Variants in TTC34 observed in about 807,000 individuals in gnomAD.
TTC34 encodes the protein tetratricopeptide repeat protein 34.
A neutral mutation model predicts 40.7 loss-of-function variants in TTC34; 44 were observed. The observed-to-expected ratio is 1.08, with a 90% CI of 0.85 to 1.39. The LOEUF is 1.39. Among genes scored for constraint, TTC34 ranks in the 40% most tolerant of loss-of-function variants. The pLI is 0.00. For synonymous variants in TTC34, 422 were observed against 398.6 expected (o/e 1.06, Z -0.70); for missense variants, 884 against 838.0 (o/e 1.05, Z -0.68).
intron 6 of TTC34, among the ~76,000 whole-genome samples, chr1:2,768,262 C>G (rs988476658): frequency 6.6e-5 from 10 of 152,014 alleles, no homozygotes; most frequent in Non-Finnish European, 1.2e-4. Context: ...CTGCCAGATC[C>G]TCACCTGGGG....
At chr1:2,688,106 C>T (rs569941609) in intron 6 of TTC34, among the ~76,000 whole-genome samples, 4 of 151,926 alleles carry the variant, frequency 2.6e-5, no homozygotes, top group African/African-American at 9.7e-5. Context: ...GCGCACGTGA[C>T]AGCCTGGAAC....
At chr1:2,787,828 G>A (rs1454622691) in intron 3 of TTC34, 122 bp from the exon 4 acceptor site, 3 of 783,450 alleles carry the variant, frequency 3.8e-6, no homozygotes, top group Middle Eastern at 7.6e-4. Context: ...CCTCCGGAGG[G>A]ACCCTCACGC....
chr1:2,769,613 C>T (rs1287360581), intron 6 of TTC34, among the ~76,000 whole-genome samples: 1 of 133,892 alleles, frequency 7.5e-6, no homozygotes, highest in Admixed American at 7.7e-5. Flanking sequence ...ATCTGACAGC[C>T]TGGAACAGCA....
At chr1:2,684,679 C>CTG (rs1640239388) in intron 6 of TTC34, among the ~76,000 whole-genome samples, 2 of 121,302 alleles carry the variant, frequency 1.6e-5, no homozygotes, top group Non-Finnish European at 3.3e-5. Flanking sequence ...ACCCACACGC[C>CTG]CAGGTGAGCA....
chr1:2,789,992 C>A, exon 3 of TTC34: 1 of 393,260 alleles, frequency 2.5e-6, no homozygotes, highest in Non-Finnish European at 4.5e-6. Context: ...CAGCAGCAGG[C>A]ACTCGGCGAG....
rs1470680817 is a variant in TTC34 at position 2,645,697 on chromosome 1, C to G, written c.2227-134G>C. On this transcript the variant is annotated intron_variant, in intron 6 of 8. Coordinates refer to ENST00000401095, the Ensembl canonical transcript of TTC34. The surrounding 1 kb of genome is among the most constrained non-coding windows in gnomAD (Gnocchi z 4.7). ...CCTGGGGTCCTAGAGGGTCTGAACA[C>G]CCAGCTTCCTGCCCCTTCCTGCTTC... The G allele has an allele frequency of 2.3e-6, 2 of 877,616 alleles. No homozygotes were observed. The highest frequency in any genetic ancestry group is 1.7e-5 in the African/African-American group (1 of 57,390). 54.4% of individuals were successfully genotyped at this position (877,616 alleles called of 1,614,324 possible). A position where few individuals can be genotyped will look rare whatever the true frequency, so the allele number is the denominator to read the frequency against.
exon 3 of TTC34, chr1:2,790,247 C>A (rs961939269): frequency 1.3e-5 from 5 of 398,318 alleles, no homozygotes; most frequent in East Asian, 7.1e-5. Context: ...GGGGCTCTCG[C>A]GGAAGGCCTC....
chr1:2,748,411 C>A (rs1569682898), intron 6 of TTC34, among the ~76,000 whole-genome samples: 1 of 139,326 alleles, frequency 7.2e-6, no homozygotes, highest in Non-Finnish European at 1.5e-5. Flanking sequence ...CCCAGGTGAG[C>A]ATCTGAGAGG....
At chr1:2,800,473 C>T (rs747450049) in exon 2 of TTC34, 16 of 398,424 alleles carry the variant, frequency 4.0e-5, no homozygotes, top group Non-Finnish European at 7.1e-5. Flanking sequence ...ACCACTTCTT[C>T]GTGACGCCCG....
chr1:2,691,800 G>C (rs1422481774), intron 6 of TTC34, among the ~76,000 whole-genome samples: 1 of 91,104 alleles, frequency 1.1e-5, no homozygotes, highest in Non-Finnish European at 2.5e-5. Flanking sequence ...GCGAGCATCC[G>C]ACAGCCTGGA....
Position 2,787,550 on chromosome 1 carries a change from C to T in TTC34, c.1785G>A (p.Gln595=), listed in dbSNP as rs532924296. Residue 595 remains glutamine (Q), a synonymous_variant, in exon 4 of 9, where the codon CAG becomes CAA. Coordinates refer to ENST00000401095, the Ensembl canonical transcript of TTC34. The stretch of plus-strand genomic sequence containing the variant: ...CCAGTCGTGCCAGCACAGGGGCTGC[C>T]TGGGGCCTCCGGGATAGGGCCACCA... 33 of 1,542,058 alleles carry T rather than the reference C, an allele frequency of 2.1e-5. No individual in the cohort carries two copies. The South Asian group carries it at 3.6e-4, about 17-fold the overall frequency.
chr1:2,793,346 T>C (rs1226415472), intron 2 of TTC34, among the ~76,000 whole-genome samples: 2 of 152,248 alleles, frequency 1.3e-5, no homozygotes. Flanking sequence ...ATTTTTTTTC[T>C]TATTGATATG....
At chr1:2,787,399 G>T in intron 4 of TTC34, 82 bp downstream of exon 4, 2 of 1,307,264 alleles carry the variant, frequency 1.5e-6, no homozygotes, top group East Asian at 2.6e-5. Flanking sequence ...GGGGTCCAGC[G>T]CCAGGGCCAC....
chr1:2,768,187 C>A (rs1470880942), intron 6 of TTC34, among the ~76,000 whole-genome samples: 1 of 151,868 alleles, frequency 6.6e-6, no homozygotes, highest in Non-Finnish European at 1.5e-5. Flanking sequence ...CATCTGACAG[C>A]CTGGAGCAGC....
At chr1:2,760,400 C>A (rs1315059413) in intron 6 of TTC34, among the ~76,000 whole-genome samples, 2 of 48,610 alleles carry the variant, frequency 4.1e-5, no homozygotes, top group Non-Finnish European at 6.4e-5. Flanking sequence ...AACATCACCC[C>A]GCACCCACAG....
chr1:2,786,481 C>A (rs1643590875), intron 4 of TTC34, among the ~76,000 whole-genome samples: 1 of 152,176 alleles, frequency 6.6e-6, no homozygotes, highest in Non-Finnish European at 1.5e-5. Flanking sequence ...AGTCGTGAGC[C>A]CGCTCTGGGC....
chr1:2,657,349 G>C (rs1445404867), intron 6 of TTC34, among the ~76,000 whole-genome samples: 1 of 100,482 alleles, frequency 1.0e-5, no homozygotes, highest in African/African-American at 3.0e-5. Context: ...AGCCCAAGGT[G>C]AGCATCTGAC....
chr1:2,750,809 C>A (rs1418705674), intron 6 of TTC34, among the ~76,000 whole-genome samples: 6 of 131,454 alleles, frequency 4.6e-5, no homozygotes, highest in Admixed American at 2.3e-4. Context: ...GCCCACACCC[C>A]CAGGCGAGCA....
intron 2 of TTC34, among the ~76,000 whole-genome samples, chr1:2,795,349 C>T (rs979470946): frequency 1.2e-4 from 18 of 152,250 alleles, no homozygotes; most frequent in Non-Finnish European, 2.4e-4. Flanking sequence ...AGGGGTCACT[C>T]AGGTGGCTGC....
Sources: allele counts gnomAD v4.1 joint callset (sites outside exome capture counted in the v4.1 genomes callset), GRCh38; gene constraint gnomAD v4.1.1; non-coding constraint Gnocchi (gnomAD v3.1); transcripts MANE v1.5; gene names NCBI Gene and HGNC (gene_info 2026-07-23, HGNC 2026-07-21).